VPS13D: variants seen among roughly 807,000 people sequenced by gnomAD.
The protein encoded by VPS13D is intermembrane lipid transfer protein VPS13D.
VPS13D carries 187 observed loss-of-function variants against 461.9 expected under a neutral mutation model. That is an observed-to-expected ratio of 0.40 (90% CI 0.36 to 0.46). The LOEUF (loss-of-function observed/expected upper bound fraction) is 0.46, where lower values mean the gene tolerates loss of function less well. Ranked by LOEUF, VPS13D falls within the 20% of genes least tolerant of loss-of-function variation. The pLI, the probability that VPS13D is intolerant of heterozygous loss-of-function variation, is 0.60. For synonymous variants in VPS13D, 1,951 were observed against 1,986.3 expected, an observed-to-expected ratio of 0.98 and a Z score of 0.47; for missense variants, 4,711 against 5,364.9, an observed-to-expected ratio of 0.88 and a Z score of 3.81.
rs1034443225 is a variant in VPS13D at position 12,276,698 on chromosome 1, A to G, written c.3110A>G (p.Asp1037Gly). 7 of 1,614,184 alleles carry G rather than the reference A, an allele frequency of 4.3e-6. No homozygotes were observed. In the Admixed American group the frequency reaches 6.7e-5, roughly 15 times the overall value. Residue 1037 changes from aspartate (D) to glycine (G), a missense_variant, in exon 19 of 70, where the codon GAT (aspartate) becomes GGT (glycine). By Grantham distance (94) the Asp-to-Gly change is moderately conservative. Coordinates refer to ENST00000620676, the MANE Select transcript of VPS13D (RefSeq NM_015378.4). The surrounding 1 kb of genome is among the most constrained non-coding windows in gnomAD (Gnocchi z 4.5). ...GATATTCCAACGGGAAGCCTTCGGG[A>G]TAGCAGGGCCCAGTCTCCTGTCTCT... ...SFDIPTGSLR[D>G]SRAQSPVSGP...
At chr1:12,415,872 A>G (rs1369284009) in intron 64 of VPS13D, among the ~76,000 whole-genome samples, 10 of 149,838 alleles carry the variant, frequency 6.7e-5, no homozygotes, top group Admixed American at 3.3e-4. Context: ...GGATCAGGCA[A>G]TTGGAAGTAC....
At chr1:12,370,366 C>T (rs991553274) in intron 54 of VPS13D, among the ~76,000 whole-genome samples, 1 of 152,170 alleles carries the variant, frequency 6.6e-6, no homozygotes, top group Non-Finnish European at 1.5e-5. Flanking sequence ...TAAAGTGTAT[C>T]TGTGAAGAAA....
At chr1:12,234,017 C>T (rs967167807) in intron 1 of VPS13D, among the ~76,000 whole-genome samples, 174 bp from the exon 2 acceptor site, 3 of 152,202 alleles carry the variant, frequency 2.0e-5, no homozygotes, top group Non-Finnish European at 4.4e-5. Flanking sequence ...CACTGCACCC[C>T]AGCCTGGGTG....
At chr1:12,380,605 G>A (rs1644260749) in intron 57 of VPS13D, among the ~76,000 whole-genome samples, 1 of 152,230 alleles carries the variant, frequency 6.6e-6, no homozygotes. Context: ...GGTCTGAGAA[G>A]TAGGAAGGTG....
At position 12,295,085 on chromosome 1, in the gene VPS13D, G is replaced by C. The variant is rs1221935443; in HGVS notation, c.6033+1381G>C. 3.9e-5 allele frequency among the ~76,000 whole-genome samples: 6 copies of C among 151,942 alleles called. No homozygotes were observed. In the South Asian group the frequency reaches 8.3e-4, roughly 21 times the overall value. On this transcript the variant is annotated intron_variant, in intron 24 of 69. Coordinates refer to ENST00000620676, the MANE Select transcript of VPS13D (RefSeq NM_015378.4). ...AGAAATACAGAAATTAGCCGGGTGT[G>C]GTGAGGCATGTGTCTGTAGTCCCAG...
At chr1:12,291,224 T>G in intron 23 of VPS13D, 100 bp downstream of exon 23, 6 of 1,344,408 alleles carry the variant, frequency 4.5e-6, no homozygotes, top group African/African-American at 1.5e-5. Flanking sequence ...TAAAAATTTT[T>G]ACCTTCTTAG....
intron 46 of VPS13D, among the ~76,000 whole-genome samples, chr1:12,351,107 A>G (rs944381293): frequency 6.6e-6 from 1 of 152,220 alleles, no homozygotes; most frequent in African/African-American, 2.4e-5. Flanking sequence ...ATTCTACCAG[A>G]CGTTTAAGGA....
chr1:12,456,798 G>A (rs887559471), intron 66 of VPS13D, among the ~76,000 whole-genome samples: 3 of 152,180 alleles, frequency 2.0e-5, no homozygotes, highest in Admixed American at 6.6e-5. Flanking sequence ...TGTGCACATT[G>A]CAATTCCTTT....
intron 6 of VPS13D, among the ~76,000 whole-genome samples, chr1:12,252,978 G>A (rs1194648241): frequency 2.0e-5 from 3 of 151,564 alleles, no homozygotes; most frequent in Non-Finnish European, 4.4e-5. Context: ...GGCCAACATG[G>A]AAAAACCCTG....
chr1:12,244,657 G>T (rs758193106), intron 5 of VPS13D, 40 bp downstream of exon 5: 2 of 1,573,716 alleles, frequency 1.3e-6, no homozygotes, highest in Non-Finnish European at 1.7e-6. Context: ...CAACGTGAAA[G>T]GGATTTCTCA....
At chr1:12,480,765 T>G (rs1357625312) in intron 67 of VPS13D, among the ~76,000 whole-genome samples, 1 of 152,204 alleles carries the variant, frequency 6.6e-6, no homozygotes, top group Non-Finnish European at 1.5e-5. Context: ...TTATGGAAAT[T>G]CTTATCTGCA....
At chr1:12,285,914 T>C (rs1160193785) in intron 21 of VPS13D, among the ~76,000 whole-genome samples, 1 of 151,798 alleles carries the variant, frequency 6.6e-6, no homozygotes, top group Non-Finnish European at 1.5e-5. Flanking sequence ...AATAAAATGA[T>C]GCATGAATTT....
chr1:12,497,469 C>G (rs1446178447), intron 67 of VPS13D, 31 bp from the exon 68 acceptor site: 1 of 1,598,706 alleles, frequency 6.3e-7, no homozygotes, highest in African/African-American at 1.3e-5. Context: ...CACACTTAAC[C>G]TCTTGGCTTT....
At chr1:12,380,235 A>T (rs183116699) in intron 57 of VPS13D, among the ~76,000 whole-genome samples, 2 of 152,074 alleles carry the variant, frequency 1.3e-5, no homozygotes, top group East Asian at 3.9e-4. Flanking sequence ...AAAATTACCT[A>T]TGTAATTTTA....
intron 67 of VPS13D, among the ~76,000 whole-genome samples, chr1:12,466,742 A>T (rs1645489173): frequency 6.6e-6 from 1 of 152,234 alleles, no homozygotes; most frequent in Non-Finnish European, 1.5e-5. Flanking sequence ...ATCTTTGGGC[A>T]TATCTGTCTT....
intron 12 of VPS13D, among the ~76,000 whole-genome samples, chr1:12,261,656 C>T (rs1641112996): frequency 6.6e-6 from 1 of 152,212 alleles, no homozygotes; most frequent in Non-Finnish European, 1.5e-5. Flanking sequence ...CTGCTTTATA[C>T]CATCCCTTAT....
chr1:12,428,528 A>G (rs1644953871), intron 65 of VPS13D, among the ~76,000 whole-genome samples: 1 of 152,154 alleles, frequency 6.6e-6, no homozygotes, highest in African/African-American at 2.4e-5. Flanking sequence ...ACTGTGCGCC[A>G]TTTGTCCAGT....
At chr1:12,461,381 G>T (rs1645410842) in intron 67 of VPS13D, among the ~76,000 whole-genome samples, 1 of 152,348 alleles carries the variant, frequency 6.6e-6, no homozygotes, top group African/African-American at 2.4e-5. Context: ...CATTACTGCA[G>T]TAGGGGAAAT....
intron 65 of VPS13D, among the ~76,000 whole-genome samples, chr1:12,439,085 A>G (rs1014544648): frequency 3.3e-5 from 5 of 152,172 alleles, no homozygotes; most frequent in African/African-American, 4.8e-5. Context: ...TACAACAACT[A>G]GAGTGATCCT....
Sources: allele counts gnomAD v4.1 joint callset (sites outside exome capture counted in the v4.1 genomes callset), GRCh38; gene constraint gnomAD v4.1.1; non-coding constraint Gnocchi (gnomAD v3.1); transcripts MANE v1.5; gene names NCBI Gene and HGNC (gene_info 2026-07-23, HGNC 2026-07-21).